Variants in SKI observed in about 807,000 individuals in gnomAD.
The protein encoded by SKI is ski oncogene.
Under a neutral mutation model 59.3 loss-of-function variants are expected in SKI, and 23 were observed. The ratio of observed to expected loss-of-function variants is 0.39; its 90% CI spans 0.28 to 0.55. SKI has a LOEUF of 0.55. Ranked by LOEUF, SKI falls within the 20% of genes least tolerant of loss-of-function variation. The pLI, the probability that SKI is intolerant of heterozygous loss-of-function variation, is 0.67. For missense variants in SKI, 1,017 were observed against 1,038.9 expected, an observed-to-expected ratio of 0.98 and a Z score of 0.29; for synonymous variants, 673 against 488.6, an observed-to-expected ratio of 1.38 and a Z score of -4.98.
At chr1:2,230,934 C>G (rs1488234973) in intron 1 of SKI, among the ~76,000 whole-genome samples, 1 of 152,152 alleles carries the variant, frequency 6.6e-6, no homozygotes, top group African/African-American at 2.4e-5. Context: ...GGACTGTCGC[C>G]TCTGCTCGGA....
chr1:2,271,626 A>T (rs887159042), intron 1 of SKI, among the ~76,000 whole-genome samples: 1 of 151,836 alleles, frequency 6.6e-6, no homozygotes. Flanking sequence ...GCCCCTCGGG[A>T]ACCTTTGTCC....
intron 1 of SKI, among the ~76,000 whole-genome samples, chr1:2,237,250 C>T (rs1246327381): frequency 6.6e-6 from 1 of 152,184 alleles, no homozygotes; most frequent in Non-Finnish European, 1.5e-5. Flanking sequence ...CAGGGAGCGC[C>T]CAGCAGGTGT....
chr1:2,293,244 G>T (rs1028039513), intron 1 of SKI, among the ~76,000 whole-genome samples: 2 of 152,212 alleles, frequency 1.3e-5, no homozygotes, highest in Non-Finnish European at 2.9e-5. Context: ...GTTGGCGATC[G>T]GGACTCACCA....
chr1:2,306,813 G>A lies in SKI; in HGVS notation c.*48G>A. The A allele has an allele frequency of 7.5e-7, 1 of 1,332,396 alleles. No individual in the cohort carries two copies. Among genetic ancestry groups the A allele is most frequent in the Non-Finnish European group, 9.7e-7 (1 of 1,034,490 alleles). 82.5% of individuals were successfully genotyped at this position (1,332,396 alleles called of 1,614,324 possible). ...GCCGCCGACAACGCGGGTGCAGGGG[G>A]GCGCGGCTGGGCGGTGCAGCTCCGC... is the stretch of plus-strand genomic sequence containing the variant. On this transcript the variant is annotated 3_prime_UTR_variant, in exon 7 of 7. Transcript: ENST00000378536.
intron 1 of SKI, among the ~76,000 whole-genome samples, chr1:2,299,856 G>A (rs1021111649): frequency 4.6e-5 from 7 of 152,212 alleles, no homozygotes; most frequent in Non-Finnish European, 7.4e-5. Context: ...AGGGTGGGGT[G>A]TGCATTTTTG....
Position 2,228,909 on chromosome 1 carries a change from A to G in SKI, c.143A>G (p.Lys48Arg). Residue 48 changes from lysine to arginine, a missense_variant, in exon 1 of 7, where the codon AAG (lysine) becomes AGG (arginine). Coordinates refer to ENST00000378536, the MANE Select transcript of SKI (RefSeq NM_003036.4). Reference sequence around the variant, plus strand: ...GCGCGCTGGGCGCAGGAGGCCTACAAGAAGGAGAGCGCCAAGGAGGCGGGC... The same window carrying G: ...GCGCGCTGGGCGCAGGAGGCCTACAGGAAGGAGAGCGCCAAGGAGGCGGGC... ...FSARWAQEAYKKESAKEAGAA... is the reference protein window; with the variant it reads ...FSARWAQEAYRKESAKEAGAA... The G allele has an allele frequency of 7.1e-7, 1 of 1,411,068 alleles. No homozygotes were observed. Among genetic ancestry groups the G allele is most frequent in the Non-Finnish European group, 9.3e-7 (1 of 1,077,082 alleles). The allele number at this position is 1,411,068 out of a possible 1,614,324, so 87.4% of individuals were successfully genotyped here. A position where few individuals can be genotyped will look rare whatever the true frequency, so the allele number is the denominator to read the frequency against.
At position 2,309,025 on chromosome 1, in the gene SKI, G is replaced by A. The variant is rs773183411; in HGVS notation, c.*2260G>A. 3 of 152,252 alleles carry A rather than the reference G, an allele frequency of 2.0e-5. No individual in the cohort carries two copies. Among genetic ancestry groups the A allele is most frequent in the African/African-American group, 4.8e-5 (2 of 41,440 alleles). The allele number at this position is 152,252 out of a possible 1,614,324, so 9.4% of individuals were successfully genotyped here. On this transcript the variant is annotated 3_prime_UTR_variant, in exon 7 of 7. Coordinates refer to ENST00000378536, the MANE Select transcript of SKI (RefSeq NM_003036.4). Reference sequence around the variant, plus strand: ...AGGCCCGTGCGGTCAGTGGGACCCGGACGTGGGCAGGCGAGCTCGGGACCC... The same window carrying A: ...AGGCCCGTGCGGTCAGTGGGACCCGAACGTGGGCAGGCGAGCTCGGGACCC...
chr1:2,234,159 T>G (rs1569674143), intron 1 of SKI, among the ~76,000 whole-genome samples: 1 of 152,122 alleles, frequency 6.6e-6, no homozygotes, highest in African/African-American at 2.4e-5. Context: ...GGCCGGCTGC[T>G]GAGTCTTCTC....
At chr1:2,263,368 G>A (rs1354098890) in intron 1 of SKI, among the ~76,000 whole-genome samples, 1 of 151,622 alleles carries the variant, frequency 6.6e-6, no homozygotes, top group Non-Finnish European at 1.5e-5. Flanking sequence ...CTTCCAAGTA[G>A]TAGGGATTAC....
intron 1 of SKI, among the ~76,000 whole-genome samples, chr1:2,284,242 C>G (rs1439760293): frequency 2.0e-5 from 3 of 152,180 alleles, no homozygotes; most frequent in Admixed American, 1.3e-4. Flanking sequence ...CCTCAGGTTG[C>G]TGCCCTGCCT....
rs1638568628 is a variant in SKI, at chr1:2,229,000, C to T, written c.234C>T (p.Ala78=). 1.3e-6 allele frequency: 2 copies of T among 1,562,914 alleles called. No homozygotes were observed. The highest frequency in any genetic ancestry group is 2.4e-5 in the East Asian group (1 of 42,066). Reference sequence around the variant, plus strand: ...CGCCGCCCGTGCTGCACCTGCCCGCCATCCAGCCGCCGCCGCCCGTGCTGC... The same window carrying T: ...CGCCGCCCGTGCTGCACCTGCCCGCTATCCAGCCGCCGCCGCCCGTGCTGC... ...TEPPPVLHLP[A]IQPPPPVLPG... Residue 78 remains alanine, a synonymous_variant, in exon 1 of 7, where the codon GCC becomes GCT. Coordinates refer to ENST00000378536, the MANE Select transcript of SKI (RefSeq NM_003036.4).
At chr1:2,306,500 G>C (rs1202000993) in intron 6 of SKI, 77 bp from the exon 7 acceptor site, 1 of 1,434,112 alleles carries the variant, frequency 7.0e-7, no homozygotes, top group Non-Finnish European at 9.4e-7. Flanking sequence ...CGGCGCAGGA[G>C]CCTCGGGTGG....
chr1:2,289,943 C>T (rs1220144673), intron 1 of SKI, among the ~76,000 whole-genome samples: 2 of 152,142 alleles, frequency 1.3e-5, no homozygotes, highest in African/African-American at 2.4e-5. Flanking sequence ...CAGGAGGCGC[C>T]TCCAGGCCAC....
chr1:2,303,826 G>A lies in SKI; in HGVS notation c.1212-14G>A, dbSNP rs750378394. ...GGACAGAGGCACCTTCCCGACACCC[G>A]CCTGCCCCTCCAGCTTCTACTCCTA... is the stretch of plus-strand genomic sequence containing the variant. On this transcript the variant is annotated splice_polypyrimidine_tract_variant and intron_variant, in intron 3 of 6. Coordinates refer to ENST00000378536, the MANE Select transcript of SKI (RefSeq NM_003036.4). The surrounding 1 kb of genome is among the most constrained non-coding windows in gnomAD (Gnocchi z 5.6). The A allele has an allele frequency of 6.2e-6, 10 of 1,611,758 alleles. No homozygotes were observed. The highest frequency in any genetic ancestry group is 1.3e-5 in the African/African-American group (1 of 74,872).
At chr1:2,245,788 C>CTT (rs766445644) in intron 1 of SKI, among the ~76,000 whole-genome samples, 1,207 of 70,360 alleles carry the variant, frequency 0.017, 231 homozygotes, top group East Asian at 0.026. Flanking sequence ...ATTTTTCCTT[C>CTT]TTTTTTTTTT....
chr1:2,303,421 G>A lies in SKI; in HGVS notation c.1211+21G>A. The stretch of plus-strand genomic sequence containing the variant: ...GACAGGTGAGTGGGCGCCATTCACA[G>A]GTGTTTCTGATCACGGGGGAGGCTC... On this transcript the variant is annotated intron_variant, in intron 3 of 6. Transcript: ENST00000378536. This position sits in a 1 kb window ranked among gnomAD's most constrained non-coding sequence, Gnocchi z 5.6. 6.3e-7 allele frequency: 1 copy of A among 1,591,392 alleles called. No individual in the cohort carries two copies. The highest frequency in any genetic ancestry group is 1.1e-5 in the South Asian group (1 of 90,704).
chr1:2,249,968 G>C (rs1181627760), intron 1 of SKI, among the ~76,000 whole-genome samples: 3 of 152,026 alleles, frequency 2.0e-5, no homozygotes, highest in African/African-American at 7.3e-5. Context: ...GCAGTGGTGT[G>C]ATCTTGGCTC....
At position 2,229,860 on chromosome 1, in the gene SKI, TC is replaced by T; in HGVS notation, c.969+126del. On this transcript the variant is annotated intron_variant, in intron 1 of 6. Coordinates refer to ENST00000378536, the MANE Select transcript of SKI (RefSeq NM_003036.4). This position sits in a 1 kb window ranked among gnomAD's most constrained non-coding sequence, Gnocchi z 6.3. ...CTGCCGTGCCCCATGTCTCCAGTCT[TC>T]GCTTTGTTTTAGGGAAATTCAGAGT... The T allele has an allele frequency of 4.0e-6, 6 of 1,497,614 alleles. No homozygotes were observed. The highest frequency in any genetic ancestry group is 5.4e-6 in the Non-Finnish European group (6 of 1,112,596). 92.8% of individuals were successfully genotyped at this position (1,497,614 alleles called of 1,614,324 possible). A position where few individuals can be genotyped will look rare whatever the true frequency, so the allele number is the denominator to read the frequency against.
chr1:2,243,412 G>A (rs1236031723), intron 1 of SKI, among the ~76,000 whole-genome samples: 3 of 152,354 alleles, frequency 2.0e-5, no homozygotes, highest in Admixed American at 6.5e-5. Context: ...CAGGCTGGCC[G>A]TTGTGCTCTG....
Sources: gnomAD v4.1 joint callset for allele counts (sites outside exome capture counted in the v4.1 genomes callset) on GRCh38, gnomAD v4.1.1 for gene constraint, Gnocchi (gnomAD v3.1) non-coding constraint, MANE v1.5 for transcripts, NCBI Gene and HGNC (gene_info 2026-07-23, HGNC 2026-07-21) for gene names.